The following LRRC3B variants were observed in gnomAD, a reference collection of about 807,000 sequenced individuals.
LRRC3B encodes leucine-rich repeat-containing protein 3B.
In LRRC3B, 2 loss-of-function variants were observed where a neutral mutation model predicts 12.8. The observed-to-expected ratio is 0.16, with a 90% CI of 0.06 to 0.49. The LOEUF is 0.49. Among genes scored for constraint, LRRC3B ranks in the 20% least tolerant of loss-of-function variants. LRRC3B has a pLI of 0.96. For synonymous variants in LRRC3B, 132 were observed against 122.0 expected, an observed-to-expected ratio of 1.08 and a Z score of -0.54; for missense variants, 189 against 319.4, an observed-to-expected ratio of 0.59 and a Z score of 3.11.
chr3:26,633,330 C>G (rs1044445899), intron 1 of LRRC3B, among the ~76,000 whole-genome samples: 8 of 152,092 alleles, frequency 5.3e-5, no homozygotes, highest in Non-Finnish European at 1.0e-4. Flanking sequence ...TCAGTTTTCT[C>G]TATGTGAAAT....
intron 1 of LRRC3B, among the ~76,000 whole-genome samples, chr3:26,653,756 A>T (rs1323887207): frequency 3.3e-5 from 5 of 152,162 alleles, no homozygotes; most frequent in South Asian, 2.1e-4. Context: ...CCCCCATGTA[A>T]ACTCACTGTG....
intron 1 of LRRC3B, among the ~76,000 whole-genome samples, chr3:26,648,152 G>C (rs1237410960): frequency 1.3e-5 from 2 of 151,886 alleles, no homozygotes; most frequent in South Asian, 2.1e-4. Flanking sequence ...ACATTTTCAG[G>C]CTTCAACCAA....
At chr3:26,695,054 G>GTA (rs913644775) in intron 1 of LRRC3B, among the ~76,000 whole-genome samples, 3 of 152,080 alleles carry the variant, frequency 2.0e-5, no homozygotes, top group African/African-American at 7.2e-5. Context: ...GTGTGTGTGT[G>GTA]TGTAGATGCT....
At chr3:26,672,280 G>C (rs992962314) in intron 1 of LRRC3B, among the ~76,000 whole-genome samples, 1 of 152,146 alleles carries the variant, frequency 6.6e-6, no homozygotes, top group Non-Finnish European at 1.5e-5. Flanking sequence ...TACAGGAGAA[G>C]GGTAGTGATT....
intron 1 of LRRC3B, among the ~76,000 whole-genome samples, chr3:26,652,385 G>A (rs1296589548): frequency 2.6e-5 from 4 of 152,144 alleles, no homozygotes; most frequent in African/African-American, 7.2e-5. Context: ...ATATGCTGCC[G>A]GGAAGTGTTA....
intron 1 of LRRC3B, among the ~76,000 whole-genome samples, chr3:26,685,521 C>CTATATATATATA (rs1297622788): frequency 2.4e-5 from 1 of 41,516 alleles, no homozygotes; most frequent in African/African-American, 1.1e-4. Flanking sequence ...CTCTCTCTCT[C>CTATATATATATA]TCTATATATA....
intron 1 of LRRC3B, among the ~76,000 whole-genome samples, chr3:26,630,011 C>T (rs1575109500): frequency 6.7e-6 from 1 of 148,686 alleles, no homozygotes; most frequent in African/African-American, 2.5e-5. Context: ...AGGAAGAGAA[C>T]CCAATACTTA....
At chr3:26,646,625 A>C (rs1367752207) in intron 1 of LRRC3B, among the ~76,000 whole-genome samples, 2 of 109,368 alleles carry the variant, frequency 1.8e-5, no homozygotes, top group African/African-American at 5.9e-5. Flanking sequence ...AAAAAAAAAA[A>C]AAAAAAAAAA....
At chr3:26,685,206 G>A (rs533295642) in intron 1 of LRRC3B, among the ~76,000 whole-genome samples, 1 of 152,184 alleles carries the variant, frequency 6.6e-6, no homozygotes, top group East Asian at 1.9e-4. Context: ...ACCCACCTTG[G>A]CCTCTCAAAA....
intron 1 of LRRC3B, among the ~76,000 whole-genome samples, chr3:26,671,703 T>A (rs1425052776): frequency 1.3e-5 from 2 of 151,974 alleles, no homozygotes; most frequent in African/African-American, 4.8e-5. Flanking sequence ...ATAAAAATAA[T>A]TTTATACATG....
At chr3:26,703,722 G>T (rs1318024630) in intron 1 of LRRC3B, among the ~76,000 whole-genome samples, 1 of 151,244 alleles carries the variant, frequency 6.6e-6, no homozygotes, top group African/African-American at 2.4e-5. Context: ...CAGATTGTGC[G>T]TCAGAGATCT....
At chr3:26,695,952 C>T (rs1415739709) in intron 1 of LRRC3B, among the ~76,000 whole-genome samples, 2 of 152,210 alleles carry the variant, frequency 1.3e-5, no homozygotes, top group African/African-American at 4.8e-5. Flanking sequence ...ATGCCAAGAA[C>T]ACAGATGTAA....
intron 1 of LRRC3B, among the ~76,000 whole-genome samples, chr3:26,671,011 CTTTTTTT>C (rs762788262): frequency 2.1e-5 from 2 of 95,548 alleles, no homozygotes; most frequent in Admixed American, 1.3e-4. Flanking sequence ...TCTCATGTAT[CTTTTTTT>C]TTTTTTTTTT....
At chr3:26,655,383 C>A (rs1038019788) in intron 1 of LRRC3B, among the ~76,000 whole-genome samples, 2 of 152,152 alleles carry the variant, frequency 1.3e-5, no homozygotes, top group Non-Finnish European at 2.9e-5. Context: ...CTGTGAGAGG[C>A]ACCATAATGT....
At chr3:26,697,478 C>G (rs1700346666) in intron 1 of LRRC3B, among the ~76,000 whole-genome samples, 1 of 152,118 alleles carries the variant, frequency 6.6e-6, no homozygotes, top group South Asian at 2.1e-4. Flanking sequence ...CCAAGATAAT[C>G]TTTCCATCTC....
chr3:26,678,614 C>CA (rs1699910813), intron 1 of LRRC3B, among the ~76,000 whole-genome samples: 1 of 152,084 alleles, frequency 6.6e-6, no homozygotes, highest in Non-Finnish European at 1.5e-5. Context: ...AGGGGACCCT[C>CA]AAAACCACAT....
chr3:26,707,225 C>T (rs188570943), intron 1 of LRRC3B, among the ~76,000 whole-genome samples: 17 of 147,660 alleles, frequency 1.2e-4, no homozygotes, highest in African/African-American at 4.0e-4. Flanking sequence ...AATAGCTGGG[C>T]GTGGTGGTGT....
intron 1 of LRRC3B, among the ~76,000 whole-genome samples, chr3:26,660,149 A>C (rs1476770383): frequency 2.6e-5 from 4 of 152,136 alleles, no homozygotes; most frequent in Admixed American, 2.6e-4. Context: ...AGAGGACCTG[A>C]TAATACAGAA....
chr3:26,702,805 T>C lies in LRRC3B; in HGVS notation c.-160-6708T>C, dbSNP rs1253764002. Among the ~76,000 whole-genome samples, 4 of 151,964 alleles carry C rather than the reference T, an allele frequency of 2.6e-5. No individual in the cohort carries two copies. The East Asian group carries it at 5.8e-4, about 22-fold the overall frequency. On this transcript the variant is annotated intron_variant, in intron 1 of 1. Transcript: ENST00000396641. The stretch of plus-strand genomic sequence containing the variant: ...TGAATTAGGAAAGAGGCCATGAGAA[T>C]GCAAAGCAAGGGACACGTAGAATGG...
Sources: gnomAD v4.1 joint callset for allele counts (sites outside exome capture counted in the v4.1 genomes callset) on GRCh38, gnomAD v4.1.1 for gene constraint, MANE v1.5 for transcripts, NCBI Gene and HGNC (gene_info 2026-07-23, HGNC 2026-07-21) for gene names.